The following AEBP2 variants were observed in gnomAD, a reference collection of about 807,000 sequenced individuals.
AEBP2 encodes the protein zinc finger protein AEBP2.
Under a neutral mutation model 50.8 loss-of-function variants are expected in AEBP2, and 10 were observed. The observed-to-expected ratio is 0.20, with a 90% CI of 0.12 to 0.33. The LOEUF (loss-of-function observed/expected upper bound fraction) is 0.33. AEBP2 is among the 10% of genes least tolerant of loss of function. The pLI is 1.00. For missense variants in AEBP2, 570 were observed against 688.0 expected (o/e 0.83, Z 1.92); for synonymous variants, 296 against 261.3 (o/e 1.13, Z -1.28).
At chr12:19,439,459 G>C (rs1325781428), upstream of AEBP2, among the ~76,000 whole-genome samples, 1 of 151,490 alleles carries the variant, frequency 6.6e-6, no homozygotes, top group African/African-American at 2.4e-5. Context: ...GCCGGGGGAG[G>C]TGCTGCCTCG....
Position 19,462,493 on chromosome 12 carries a change from T to G in AEBP2, c.672-17T>G, listed in dbSNP as rs771171774. On this transcript the variant is annotated splice_polypyrimidine_tract_variant and intron_variant, in intron 1 of 7. Coordinates refer to ENST00000266508, the MANE Select transcript of AEBP2 (RefSeq NM_153207.5). ...TGAATTTCTAGGAATAACACAGCCT[T>G]TTTTCTTCTTTTGTAGCATAAGCAG... is the stretch of plus-strand genomic sequence containing the variant. 1.3e-6 allele frequency: 2 copies of G among 1,586,972 alleles called. No individual in the cohort carries two copies. The highest frequency in any genetic ancestry group is 1.7e-6 in the Non-Finnish European group (2 of 1,164,796).
chr12:19,497,566 A>T (rs1341322822), intron 4 of AEBP2, among the ~76,000 whole-genome samples: 1 of 152,034 alleles, frequency 6.6e-6, no homozygotes. Context: ...AGTGCCTCCC[A>T]GGTGCAATCA....
At chr12:19,415,648 G>T (rs145148249) in intron 1 of AEBP2, among the ~76,000 whole-genome samples, 89 of 113,700 alleles carry the variant, frequency 7.8e-4, no homozygotes, top group African/African-American at 2.9e-3. Flanking sequence ...AGAGATGAGA[G>T]ATTAAATCAA....
intron 2 of AEBP2, among the ~76,000 whole-genome samples, chr12:19,471,496 A>G (rs551482490): frequency 6.6e-6 from 1 of 151,650 alleles, no homozygotes; most frequent in African/African-American, 2.4e-5. Flanking sequence ...ATTAATTTCT[A>G]TAGCATTTAA....
At chr12:19,488,345 C>T (rs114969493) in intron 3 of AEBP2, among the ~76,000 whole-genome samples, 178 of 137,954 alleles carry the variant, frequency 1.3e-3, no homozygotes, top group African/African-American at 4.4e-3. Context: ...CTAGGCTGGT[C>T]TCGAGCTCCT....
intron 1 of AEBP2, among the ~76,000 whole-genome samples, chr12:19,407,252 A>G (rs2095736783): frequency 6.6e-6 from 1 of 152,122 alleles, no homozygotes; most frequent in Non-Finnish European, 1.5e-5. Context: ...GCAGTAAGCT[A>G]TTGGTACCGC....
At chr12:19,458,379 G>C (rs936965051) in intron 1 of AEBP2, among the ~76,000 whole-genome samples, 1 of 152,194 alleles carries the variant, frequency 6.6e-6, no homozygotes, top group East Asian at 1.9e-4. Flanking sequence ...GCCCTGTTCA[G>C]CTTGGGGGAG....
chr12:19,431,450 A>G (rs561388170), intron 1 of AEBP2, among the ~76,000 whole-genome samples: 1 of 152,326 alleles, frequency 6.6e-6, no homozygotes, highest in South Asian at 2.1e-4. Flanking sequence ...TATAAAATAC[A>G]CGAAAAGACA....
intron 3 of AEBP2, among the ~76,000 whole-genome samples, chr12:19,479,717 GTTTTTTTTTTTTTTTT>G (rs369410408): frequency 4.5e-4 from 10 of 22,350 alleles, no homozygotes; most frequent in African/African-American, 1.3e-3. Flanking sequence ...CTCTTTGTGG[GTTTTTTTTTTTTTTTT>G]TTTTTTTTTT....
At chr12:19,440,768 C>T (rs1280456601) in intron 1 of AEBP2, 1 of 1,533,138 alleles carries the variant, frequency 6.5e-7, no homozygotes, top group East Asian at 2.4e-5. Flanking sequence ...CTTGTCAGAA[C>T]TACAATTGAC....
At chr12:19,477,397 C>T (rs1304849256) in intron 3 of AEBP2, among the ~76,000 whole-genome samples, 1 of 152,132 alleles carries the variant, frequency 6.6e-6, no homozygotes, top group Non-Finnish European at 1.5e-5. Context: ...ACGGGGAATG[C>T]TTTCAACTTT....
At chr12:19,464,996 G>A (rs866041591) in intron 2 of AEBP2, among the ~76,000 whole-genome samples, 3 of 152,066 alleles carry the variant, frequency 2.0e-5, no homozygotes, top group African/African-American at 4.8e-5. Flanking sequence ...CATTTGTCCC[G>A]TAAGTGTAAT....
chr12:19,439,645 C>G lies in AEBP2; in HGVS notation c.-55C>G. 1 of 1,496,290 alleles carries G rather than the reference C, an allele frequency of 6.7e-7. No individual in the cohort carries two copies. The highest frequency in any genetic ancestry group is 8.9e-7 in the Non-Finnish European group (1 of 1,128,808). 92.7% of individuals were successfully genotyped at this position (1,496,290 alleles called of 1,614,324 possible). A position where few individuals can be genotyped will look rare whatever the true frequency, so the allele number is the denominator to read the frequency against. On this transcript the variant is annotated 5_prime_UTR_variant, in exon 1 of 8. Transcript: ENST00000266508. ...GGGAGGGGGGCGAGGGAGAGAGAGT[C>G]GAGAGAGGGAGGCGGCGGTGGGGAG...
chr12:19,486,388 A>AT (rs929368856), intron 3 of AEBP2, among the ~76,000 whole-genome samples: 11 of 150,736 alleles, frequency 7.3e-5, no homozygotes, highest in South Asian at 2.1e-4. Flanking sequence ...ATTGGCTGCT[A>AT]TTTTTTTTTG....
intron 1 of AEBP2, among the ~76,000 whole-genome samples, chr12:19,448,817 C>G (rs1175935963): frequency 6.6e-6 from 1 of 152,052 alleles, no homozygotes; most frequent in African/African-American, 2.4e-5. Context: ...ATAGCTGGAG[C>G]TACAGGCATG....
At chr12:19,480,913 A>G (rs1401612229) in intron 3 of AEBP2, among the ~76,000 whole-genome samples, 2 of 152,064 alleles carry the variant, frequency 1.3e-5, no homozygotes, top group African/African-American at 2.4e-5. Context: ...CTTCTTTCTC[A>G]GAAACACCAG....
chr12:19,440,373 C>T lies in AEBP2; in HGVS notation c.671+3C>T, dbSNP rs751515893. 1.4e-5 allele frequency: 20 copies of T among 1,478,716 alleles called. No homozygotes were observed. In the South Asian group the frequency reaches 2.5e-4, roughly 19 times the overall value. 91.6% of individuals were successfully genotyped at this position (1,478,716 alleles called of 1,614,324 possible). A position where few individuals can be genotyped will look rare whatever the true frequency, so the allele number is the denominator to read the frequency against. ...AGCCGCATGGACTCGGAGGACAGGT[C>T]AGTGCTCTGAAGCGTTTCCCCTTCC... On this transcript the variant is annotated splice_donor_region_variant and intron_variant, in intron 1 of 7. Coordinates refer to ENST00000266508, the MANE Select transcript of AEBP2 (RefSeq NM_153207.5).
intron 4 of AEBP2, 104 bp downstream of exon 4, chr12:19,494,090 G>T: frequency 7.9e-7 from 1 of 1,267,184 alleles, no homozygotes; most frequent in Non-Finnish European, 1.1e-6. Context: ...TCTATTAAAA[G>T]TAACAAACAG....
chr12:19,508,653 T>C (rs1263461231), intron 5 of AEBP2, among the ~76,000 whole-genome samples: 1 of 152,192 alleles, frequency 6.6e-6, no homozygotes, highest in African/African-American at 2.4e-5. Flanking sequence ...TTATACTTTT[T>C]TGGGTCTTTC....
Sources: gnomAD v4.1 joint callset for allele counts (sites outside exome capture counted in the v4.1 genomes callset) on GRCh38, gnomAD v4.1.1 for gene constraint, MANE v1.5 for transcripts, NCBI Gene and HGNC (gene_info 2026-07-23, HGNC 2026-07-21) for gene names.